Variants in EYS observed in about 807,000 individuals in gnomAD.
EYS encodes the protein protein eyes shut homolog.
EYS carries 250 observed loss-of-function variants against 282.1 expected under a neutral mutation model. The observed-to-expected ratio is 0.89, with a 90% CI of 0.80 to 0.98. The LOEUF is 0.98. Ranked by LOEUF, EYS falls within the 50% of genes least tolerant of loss-of-function variation. The probability of loss-of-function intolerance (pLI) is 0.00; values close to 1 mark genes in which losing one functional copy is unlikely to be tolerated. For missense variants in EYS, 4,016 were observed against 3,709.0 expected (o/e 1.08, Z -2.15); for synonymous variants, 1,355 against 1,282.9 (o/e 1.06, Z -1.20).
chr6:64,820,174 A>G (rs1195851568), intron 21 of EYS, among the ~76,000 whole-genome samples: 1 of 151,984 alleles, frequency 6.6e-6, no homozygotes, highest in Non-Finnish European at 1.5e-5. Flanking sequence ...TTTTAATGGA[A>G]TGATTCCTAA....
intron 7 of EYS, among the ~76,000 whole-genome samples, chr6:65,393,183 G>C (rs1419828921): frequency 4.0e-5 from 6 of 150,674 alleles, no homozygotes; most frequent in African/African-American, 1.5e-4. Context: ...GGGGTGGGGG[G>C]ACGGGGGAGG....
intron 30 of EYS, among the ~76,000 whole-genome samples, chr6:64,291,821 C>A (rs772185136): frequency 1.3e-5 from 2 of 152,002 alleles, no homozygotes; most frequent in African/African-American, 4.8e-5. Context: ...GGATTTCTTA[C>A]GAAAAGTGTT....
chr6:63,723,665 CAA>C (rs754288539), intron 42 of EYS, among the ~76,000 whole-genome samples: 6 of 151,862 alleles, frequency 4.0e-5, no homozygotes, highest in East Asian at 3.9e-4. Flanking sequence ...GAAAAATTGA[CAA>C]AAAGTTTTCT....
intron 33 of EYS, among the ~76,000 whole-genome samples, chr6:64,005,674 A>G (rs920914734): frequency 4.6e-5 from 7 of 152,126 alleles, no homozygotes; most frequent in Non-Finnish European, 1.0e-4. Flanking sequence ...TGTAGTTTCA[A>G]TCTTCTGCAT....
At chr6:64,171,809 G>C (rs1247783400) in intron 31 of EYS, among the ~76,000 whole-genome samples, 3 of 151,920 alleles carry the variant, frequency 2.0e-5, no homozygotes, top group Non-Finnish European at 2.9e-5. Flanking sequence ...TTTTTATCAG[G>C]GTTCTATACC....
In EYS at chr6:64,338,669, T is replaced by G. The variant is rs139757591; in HGVS notation, c.6079-31587A>C. 8.6e-3 allele frequency among the ~76,000 whole-genome samples: 1,313 copies of G among 152,048 alleles called. 26 individuals are homozygous for G. The highest frequency in any genetic ancestry group is 0.029 in the African/African-American group (1,203 of 41,506). ...ATATGGAACCAAAAAAGAGCCCACA[T>G]AGCCAAAGCAAGACTGAGGAAAAAT... is the stretch of plus-strand genomic sequence containing the variant. On this transcript the variant is annotated intron_variant, in intron 29 of 42. Transcript: ENST00000503581.
rs151204551 is a variant in EYS at position 64,481,030 on chromosome 6, T to C, written c.5645-41678A>G. On this transcript the variant is annotated intron_variant, in intron 26 of 42. Coordinates refer to ENST00000503581, the MANE Select transcript of EYS (RefSeq NM_001142800.2). ...TTATCCTTTACTCTTTTCACAATTATAGTTTTTGAAAAAGTCCAATATTTC... is the reference window on the plus strand; with the variant it reads ...TTATCCTTTACTCTTTTCACAATTACAGTTTTTGAAAAAGTCCAATATTTC... Among the ~76,000 whole-genome samples, 457 of 151,618 alleles carry C rather than the reference T, an allele frequency of 3.0e-3. 3 individuals are homozygous for C. The highest frequency in any genetic ancestry group is 0.01 in the African/African-American group (427 of 41,462).
chr6:65,143,872 G>T (rs748782710), intron 12 of EYS, among the ~76,000 whole-genome samples: 1 of 152,042 alleles, frequency 6.6e-6, no homozygotes, highest in Admixed American at 6.6e-5. Flanking sequence ...GTCATTAAAG[G>T]ATCAGCAAAG....
intron 30 of EYS, among the ~76,000 whole-genome samples, chr6:64,252,562 T>C (rs1582488362): frequency 6.6e-6 from 1 of 152,152 alleles, no homozygotes; most frequent in Non-Finnish European, 1.5e-5. Context: ...ATTCTTACTA[T>C]TAAGTTTAAT....
intron 26 of EYS, among the ~76,000 whole-genome samples, chr6:64,448,795 C>T (rs996577473): frequency 3.9e-5 from 6 of 152,176 alleles, no homozygotes; most frequent in African/African-American, 1.4e-4. Flanking sequence ...AGCTGAGGGT[C>T]CTCACTGTTA....
intron 2 of EYS, among the ~76,000 whole-genome samples, chr6:65,534,236 A>G (rs1767886742): frequency 6.6e-6 from 1 of 152,122 alleles, no homozygotes; most frequent in Non-Finnish European, 1.5e-5. Flanking sequence ...GCTGCGTGCT[A>G]TCTAGATTTT....
intron 19 of EYS, among the ~76,000 whole-genome samples, chr6:64,876,937 G>C (rs1306623782): frequency 6.6e-6 from 1 of 152,094 alleles, no homozygotes; most frequent in Non-Finnish European, 1.5e-5. Context: ...TTGAACATGG[G>C]AGTGAAGTGA....
At chr6:65,039,762 A>G (rs1360185003) in intron 13 of EYS, among the ~76,000 whole-genome samples, 2 of 151,686 alleles carry the variant, frequency 1.3e-5, no homozygotes, top group Admixed American at 6.6e-5. Flanking sequence ...GTCTTATGCT[A>G]TGATGGAGGA....
At chr6:63,827,406 T>G (rs975715486) in intron 36 of EYS, among the ~76,000 whole-genome samples, 2 of 152,134 alleles carry the variant, frequency 1.3e-5, no homozygotes, top group African/African-American at 4.8e-5. Flanking sequence ...GAACTATACC[T>G]TGGAACAAAT....
At chr6:64,516,721 A>C (rs983692465) in intron 26 of EYS, among the ~76,000 whole-genome samples, 1 of 151,940 alleles carries the variant, frequency 6.6e-6, no homozygotes, top group Admixed American at 6.6e-5. Context: ...GTACTTGGTT[A>C]AATGGAATTA....
intron 12 of EYS, among the ~76,000 whole-genome samples, chr6:65,198,832 A>G (rs1002214184): frequency 3.9e-5 from 6 of 152,096 alleles, no homozygotes; most frequent in African/African-American, 1.4e-4. Flanking sequence ...AATGAACAAA[A>G]TTGGGATATC....
At chr6:65,023,223 C>A (rs997225419) in intron 13 of EYS, among the ~76,000 whole-genome samples, 2 of 151,958 alleles carry the variant, frequency 1.3e-5, no homozygotes, top group Non-Finnish European at 2.9e-5. Context: ...TTAATATTAT[C>A]TTTTTAATTA....
At chr6:64,373,046 T>G (rs979667496) in intron 29 of EYS, among the ~76,000 whole-genome samples, 1 of 152,206 alleles carries the variant, frequency 6.6e-6, no homozygotes, top group Non-Finnish European at 1.5e-5. Context: ...TCCATATTCT[T>G]AATTATGTTT....
chr6:65,217,834 T>C (rs1766354117), intron 12 of EYS, among the ~76,000 whole-genome samples: 1 of 152,084 alleles, frequency 6.6e-6, no homozygotes, highest in African/African-American at 2.4e-5. Context: ...TTAGATGTCA[T>C]GCTAAGGACA....
Sources: gnomAD v4.1 joint callset for allele counts (sites outside exome capture counted in the v4.1 genomes callset) on GRCh38, gnomAD v4.1.1 for gene constraint, MANE v1.5 for transcripts, NCBI Gene and HGNC (gene_info 2026-07-23, HGNC 2026-07-21) for gene names.